Variants in SSBP2 observed in about 807,000 individuals in gnomAD.
The protein encoded by SSBP2 is single-stranded DNA-binding protein 2.
SSBP2 carries 17 observed loss-of-function variants against 61.8 expected under a neutral mutation model. The observed-to-expected ratio is 0.28, with a 90% CI of 0.19 to 0.41. The LOEUF (loss-of-function observed/expected upper bound fraction) is 0.41, where lower values mean the gene tolerates loss of function less well. SSBP2 is among the 10% of genes least tolerant of loss of function. The pLI is 1.00. For missense variants in SSBP2, 310 were observed against 458.7 expected (o/e 0.68, Z 2.96); for synonymous variants, 139 against 141.3 (o/e 0.98, Z 0.12).
At chr5:81,487,227 T>A (rs1213137697) in intron 6 of SSBP2, among the ~76,000 whole-genome samples, 1 of 152,208 alleles carries the variant, frequency 6.6e-6, no homozygotes, top group Non-Finnish European at 1.5e-5. Context: ...TATTCCATAG[T>A]GTTAAGCATT....
intron 1 of SSBP2, among the ~76,000 whole-genome samples, chr5:81,677,352 A>T (rs1752057654): frequency 6.6e-6 from 1 of 152,124 alleles, no homozygotes; most frequent in Non-Finnish European, 1.5e-5. Flanking sequence ...GCCCTCCAAA[A>T]CTGAAGAGAC....
chr5:81,682,814 A>G (rs570017468), intron 1 of SSBP2, among the ~76,000 whole-genome samples: 1 of 152,306 alleles, frequency 6.6e-6, no homozygotes, highest in East Asian at 1.9e-4. Flanking sequence ...AAACAATTAT[A>G]GTAAGTTTGC....
chr5:81,568,981 T>A (rs1024574467), intron 4 of SSBP2, among the ~76,000 whole-genome samples: 2 of 152,098 alleles, frequency 1.3e-5, no homozygotes, highest in Non-Finnish European at 2.9e-5. Flanking sequence ...TGGAGACCTT[T>A]CAACGTCTTG....
intron 1 of SSBP2, among the ~76,000 whole-genome samples, chr5:81,669,963 G>C (rs573404074): frequency 7.3e-6 from 1 of 136,532 alleles, no homozygotes; most frequent in Admixed American, 7.3e-5. Context: ...GGAAAAGGCA[G>C]AAGTATAGAG....
chr5:81,552,533 G>GA (rs1772279305), intron 4 of SSBP2, among the ~76,000 whole-genome samples: 1 of 151,906 alleles, frequency 6.6e-6, no homozygotes, highest in Non-Finnish European at 1.5e-5. Flanking sequence ...ACCTACTTGG[G>GA]AGGCTGAGGC....
At chr5:81,704,537 C>G (rs1754222666) in intron 1 of SSBP2, among the ~76,000 whole-genome samples, 1 of 152,120 alleles carries the variant, frequency 6.6e-6, no homozygotes, top group South Asian at 2.1e-4. Context: ...GGTGGCTCGG[C>G]CTGTAATCCC....
intron 16 of SSBP2, among the ~76,000 whole-genome samples, chr5:81,426,146 A>G (rs1761939096): frequency 6.6e-6 from 1 of 152,214 alleles, no homozygotes; most frequent in Non-Finnish European, 1.5e-5. Context: ...TACTTCTTCA[A>G]AGCCTTACAT....
chr5:81,751,459 T>A (rs1275567177), upstream of SSBP2, among the ~76,000 whole-genome samples: 1 of 151,622 alleles, frequency 6.6e-6, no homozygotes, highest in Non-Finnish European at 1.5e-5. Context: ...CCGCCCGCGC[T>A]CAGCTCCTCA....
intron 2 of SSBP2, among the ~76,000 whole-genome samples, chr5:81,644,915 A>G (rs1749125919): frequency 6.6e-6 from 1 of 152,214 alleles, no homozygotes; most frequent in Non-Finnish European, 1.5e-5. Flanking sequence ...GGGCCATCCA[A>G]GTGACAGACA....
intron 5 of SSBP2, among the ~76,000 whole-genome samples, chr5:81,504,659 TTC>T (rs1768043249): frequency 6.6e-6 from 1 of 152,214 alleles, no homozygotes; most frequent in South Asian, 2.1e-4. Context: ...TAGTTTTCTT[TTC>T]TGTTTCATTT....
At chr5:81,587,971 ATAT>A (rs2153503120) in intron 4 of SSBP2, among the ~76,000 whole-genome samples, 1 of 152,096 alleles carries the variant, frequency 6.6e-6, no homozygotes, top group Non-Finnish European at 1.5e-5. Flanking sequence ...TGAAAGATAA[ATAT>A]TATTTTTTGA....
At chr5:81,495,924 TTTTCTA>T (rs1427742351) in intron 5 of SSBP2, among the ~76,000 whole-genome samples, 2 of 152,118 alleles carry the variant, frequency 1.3e-5, no homozygotes, top group Admixed American at 6.5e-5. Context: ...TTGCTAAGCA[TTTTCTA>T]TATTCTATCT....
At chr5:81,742,655 C>T (rs1757107062) in intron 1 of SSBP2, among the ~76,000 whole-genome samples, 1 of 152,090 alleles carries the variant, frequency 6.6e-6, no homozygotes, top group South Asian at 2.1e-4. Context: ...GCAGGTGGAT[C>T]ATCTGAGGTC....
At chr5:81,700,428 C>A (rs1204481496) in intron 1 of SSBP2, among the ~76,000 whole-genome samples, 1 of 152,136 alleles carries the variant, frequency 6.6e-6, no homozygotes, top group African/African-American at 2.4e-5. Flanking sequence ...ATTTATAGTG[C>A]ACAGGCAGAG....
rs1274686224 is a variant in SSBP2 at position 81,415,044 on chromosome 5, A to G, written c.*5460T>C. The stretch of plus-strand genomic sequence containing the variant: ...TTCTCAAGGTATGGTTCACAGACCC[A>G]GGGAGACCTTTACACATGCTTAAGA... On this transcript the variant is annotated 3_prime_UTR_variant, in exon 17 of 17. Coordinates refer to ENST00000320672, the MANE Select transcript of SSBP2 (RefSeq NM_012446.5). The G allele has an allele frequency of 6.6e-6, 1 of 152,216 alleles. No homozygotes were observed. The highest frequency in any genetic ancestry group is 1.5e-5 in the Non-Finnish European group (1 of 68,028). The allele number at this position is 152,216 out of a possible 1,614,324, so 9.4% of individuals were successfully genotyped here.
chr5:81,667,095 T>C (rs1275596872), intron 1 of SSBP2, among the ~76,000 whole-genome samples: 1 of 152,128 alleles, frequency 6.6e-6, no homozygotes, highest in Non-Finnish European at 1.5e-5. Flanking sequence ...AATACCTTGA[T>C]GAAAGGGGAA....
At chr5:81,636,805 A>G (rs1748281471) in intron 2 of SSBP2, among the ~76,000 whole-genome samples, 187 bp from the exon 3 acceptor site, 1 of 152,236 alleles carries the variant, frequency 6.6e-6, no homozygotes, top group South Asian at 2.1e-4. Flanking sequence ...TTAGTCTCAG[A>G]GAGATGTCAC....
At chr5:81,491,469 AT>A (rs1378104209) in intron 5 of SSBP2, among the ~76,000 whole-genome samples, 2 of 152,132 alleles carry the variant, frequency 1.3e-5, no homozygotes, top group Non-Finnish European at 2.9e-5. Context: ...TAAAAGGAGA[AT>A]TTTTTTTCCC....
At chr5:81,691,720 G>C (rs1012960174) in intron 1 of SSBP2, among the ~76,000 whole-genome samples, 1 of 152,066 alleles carries the variant, frequency 6.6e-6, no homozygotes, top group African/African-American at 2.4e-5. Context: ...TAGAAGACTG[G>C]TATTACTCTG....
Sources: allele counts gnomAD v4.1 joint callset (sites outside exome capture counted in the v4.1 genomes callset), GRCh38; gene constraint gnomAD v4.1.1; transcripts MANE v1.5; gene names NCBI Gene and HGNC (gene_info 2026-07-23, HGNC 2026-07-21).